Variants in RANBP17 observed in about 807,000 individuals in gnomAD.
RANBP17 encodes RAN binding protein 17.
A neutral mutation model predicts 141.2 loss-of-function variants in RANBP17; 158 were observed. The observed-to-expected ratio is 1.12, with a 90% CI of 0.98 to 1.28. RANBP17 has a LOEUF of 1.28. Ranked by LOEUF, RANBP17 falls within the 50% of genes most tolerant of loss-of-function variation. The pLI, the probability that RANBP17 is intolerant of heterozygous loss-of-function variation, is 0.00. For synonymous variants in RANBP17, 430 were observed against 450.0 expected (o/e 0.96, Z 0.56); for missense variants, 1,438 against 1,290.7 (o/e 1.11, Z -1.75).
At chr5:171,151,953 A>G (rs1248965012) in intron 14 of RANBP17, among the ~76,000 whole-genome samples, 1 of 152,154 alleles carries the variant, frequency 6.6e-6, no homozygotes, top group Non-Finnish European at 1.5e-5. Flanking sequence ...GAACTCCCCC[A>G]AGGAACTGGG....
intron 14 of RANBP17, among the ~76,000 whole-genome samples, chr5:171,139,665 G>A (rs888836799): frequency 6.6e-6 from 1 of 151,892 alleles, no homozygotes; most frequent in Non-Finnish European, 1.5e-5. Flanking sequence ...CTCCTCTATA[G>A]CCCAACTCCA....
intron 13 of RANBP17, among the ~76,000 whole-genome samples, chr5:170,966,732 T>C (rs1322894329): frequency 6.6e-6 from 1 of 152,046 alleles, no homozygotes; most frequent in Non-Finnish European, 1.5e-5. Context: ...GGTATTCAAT[T>C]AGGAAAAGAG....
chr5:171,095,194 TTAATTTTAC>T (rs1469764190), intron 14 of RANBP17, among the ~76,000 whole-genome samples: 1 of 152,192 alleles, frequency 6.6e-6, no homozygotes, highest in Non-Finnish European at 1.5e-5. Flanking sequence ...ATGATTTGAT[TTAATTTTAC>T]TTTTTCCTGA....
intron 14 of RANBP17, among the ~76,000 whole-genome samples, chr5:171,161,890 G>A (rs921693046): frequency 3.3e-5 from 5 of 152,132 alleles, no homozygotes; most frequent in East Asian, 1.9e-4. Context: ...TAGGAGGTAC[G>A]GGGGATTAAA....
chr5:170,894,487 T>TATATATATATATATATAA (rs1491496322), intron 4 of RANBP17, among the ~76,000 whole-genome samples: 2 of 130,384 alleles, frequency 1.5e-5, no homozygotes, highest in Non-Finnish European at 3.1e-5. Context: ...ACGTGTTTTT[T>TATATATATATATATATAA]ATATATATAT....
Position 170,892,390 on chromosome 5 carries a change from A to G in RANBP17, c.260A>G (p.Asn87Ser), listed in dbSNP as rs773412829. The change falls in exon 4 of 28, where the codon AAC becomes AGC. Residue 87 changes from asparagine to serine, a missense_variant. Asn to Ser is a conservative substitution (Grantham distance 46). Transcript: ENST00000523189. Reference protein sequence around the residue: ...LPVEQRMDIRNYILNYVASQP... With the variant: ...LPVEQRMDIRSYILNYVASQP... ...CCATGGAGTGTTTTCTTTGTAGGAAACTACATTCTGAATTACGTGGCATCA... is the reference window on the plus strand; with the variant it reads ...CCATGGAGTGTTTTCTTTGTAGGAAGCTACATTCTGAATTACGTGGCATCA... 1 of 1,605,754 alleles carries G rather than the reference A, an allele frequency of 6.2e-7. No individual in the cohort carries two copies.
chr5:171,165,595 C>G (rs1250968382), intron 14 of RANBP17, among the ~76,000 whole-genome samples: 2 of 152,100 alleles, frequency 1.3e-5, no homozygotes, highest in Non-Finnish European at 2.9e-5. Context: ...TCTTTGGGAC[C>G]AAAGTCTGTG....
chr5:171,294,006 G>A (rs762393961), intron 26 of RANBP17, 25 bp downstream of exon 26: 59 of 1,536,372 alleles, frequency 3.8e-5, no homozygotes, highest in Middle Eastern at 3.4e-4. Flanking sequence ...AGGAAGTCAC[G>A]GGAGGTGGTC....
At chr5:171,014,187 A>G (rs1179099536) in intron 14 of RANBP17, among the ~76,000 whole-genome samples, 1 of 151,304 alleles carries the variant, frequency 6.6e-6, no homozygotes, top group African/African-American at 2.4e-5. Context: ...TCTTTTTTTC[A>G]TTTTTTTATC....
rs551036404 is a variant in RANBP17, at chr5:170,871,545, T to C, written c.19-6552T>C. ...TTTAATTAGATCCCATTTGTCAATT[T>C]TGGCTTTTGTTGCAACTGCTTTTGG... On this transcript the variant is annotated intron_variant, in intron 1 of 27. Transcript: ENST00000523189. Among the ~76,000 whole-genome samples, 5 of 152,364 alleles carry C rather than the reference T, an allele frequency of 3.3e-5. No individual in the cohort carries two copies. The East Asian group carries it at 9.6e-4, about 29-fold the overall frequency.
At chr5:171,112,787 G>T (rs1283764117) in intron 14 of RANBP17, among the ~76,000 whole-genome samples, 2 of 151,778 alleles carry the variant, frequency 1.3e-5, no homozygotes, top group Non-Finnish European at 2.9e-5. Flanking sequence ...GACACAATCT[G>T]CCATTTTTAT....
intron 27 of RANBP17, among the ~76,000 whole-genome samples, chr5:171,296,435 A>G (rs1768824022): frequency 6.6e-6 from 1 of 152,236 alleles, no homozygotes; most frequent in African/African-American, 2.4e-5. Flanking sequence ...ATAGCTAACA[A>G]TAATGTATTG....
intron 1 of RANBP17, among the ~76,000 whole-genome samples, chr5:170,872,280 G>T (rs1008426805): frequency 6.6e-6 from 1 of 152,126 alleles, no homozygotes; most frequent in African/African-American, 2.4e-5. Context: ...TAGCAATTGT[G>T]AATGGGAGTT....
intron 13 of RANBP17, among the ~76,000 whole-genome samples, chr5:170,956,636 G>A (rs1475312782): frequency 1.3e-5 from 2 of 151,870 alleles, no homozygotes; most frequent in Non-Finnish European, 2.9e-5. Flanking sequence ...TTTTAGCAGA[G>A]ATGGGGTTTC....
chr5:170,955,681 T>TATATATATATACAC lies in RANBP17; in HGVS notation c.1574+1980_1574+1981insTATATATATACACA, dbSNP rs769742239. 4.2e-3 allele frequency among the ~76,000 whole-genome samples: 164 copies of TATATATATATACAC among 39,048 alleles called. 15 individuals are homozygous for TATATATATATACAC. Among genetic ancestry groups the TATATATATATACAC allele is most frequent in the Non-Finnish European group, 6.4e-3 (118 of 18,412 alleles). 25.6% of individuals were successfully genotyped at this position (39,048 alleles called of 152,430 possible). On this transcript the variant is annotated intron_variant, in intron 13 of 27. Transcript: ENST00000523189. ...ATATATATATATATATATATATATA[T>TATATATATATACAC]ACACTGAATGAACTCTGTAGAGGAA...
chr5:171,091,497 G>A (rs1355220994), intron 14 of RANBP17, among the ~76,000 whole-genome samples: 1 of 152,174 alleles, frequency 6.6e-6, no homozygotes, highest in Non-Finnish European at 1.5e-5. Flanking sequence ...AGTTAATGTT[G>A]AAATGAGTTA....
chr5:171,041,826 C>T (rs1782267583), intron 14 of RANBP17, among the ~76,000 whole-genome samples: 1 of 152,002 alleles, frequency 6.6e-6, no homozygotes, highest in Admixed American at 6.6e-5. Flanking sequence ...TGGTTTGCTG[C>T]ACCTATCAAC....
At chr5:170,958,859 T>C (rs1000802820) in intron 13 of RANBP17, among the ~76,000 whole-genome samples, 1 of 152,148 alleles carries the variant, frequency 6.6e-6, no homozygotes, top group Non-Finnish European at 1.5e-5. Context: ...AATAAAGACA[T>C]TTATAGTCAT....
At chr5:170,955,836 A>C (rs907083598) in intron 13 of RANBP17, among the ~76,000 whole-genome samples, 17 of 147,918 alleles carry the variant, frequency 1.1e-4, no homozygotes, top group South Asian at 4.2e-4. Flanking sequence ...ATATATATAT[A>C]TCTCAGAGAT....
Sources: allele counts gnomAD v4.1 joint callset (sites outside exome capture counted in the v4.1 genomes callset), GRCh38; gene constraint gnomAD v4.1.1; transcripts MANE v1.5; gene names NCBI Gene and HGNC (gene_info 2026-07-23, HGNC 2026-07-21).